The following BEST3 variants were observed in gnomAD, a reference collection of about 807,000 sequenced individuals.
BEST3 encodes the protein bestrophin 3, also known as bestrophin-3.
In BEST3, 50 loss-of-function variants were observed where a neutral mutation model predicts 47.1. The observed-to-expected ratio is 1.06, with a 90% CI of 0.85 to 1.34. The LOEUF (loss-of-function observed/expected upper bound fraction) is 1.34. Among genes scored for constraint, BEST3 ranks in the 40% most tolerant of loss-of-function variants. The pLI, the probability that BEST3 is intolerant of heterozygous loss-of-function variation, is 0.00. For missense variants in BEST3, 765 were observed against 817.0 expected (o/e 0.94, Z 0.78); for synonymous variants, 282 against 298.8 (o/e 0.94, Z 0.58).
intron 7 of BEST3, among the ~76,000 whole-genome samples, chr12:69,674,540 GC>G (rs1157049629): frequency 3.3e-5 from 5 of 152,124 alleles, no homozygotes; most frequent in Non-Finnish European, 5.9e-5. Flanking sequence ...GTTCCATGGG[GC>G]TATCTGCCCT....
chr12:69,693,566 A>G lies in BEST3; in HGVS notation c.481+108T>C, dbSNP rs181767814. 44 of 996,230 alleles carry G rather than the reference A, an allele frequency of 4.4e-5. 1 individual carries two copies. The Admixed American group carries it at 1.0e-3, about 24-fold the overall frequency. The allele number at this position is 996,230 out of a possible 1,614,324, so 61.7% of individuals were successfully genotyped here. ...AGGCATGAGCCACCGCGCCCAACCAATAAATGTTTCTTGAGTGAATAAACA... is the reference window on the plus strand; with the variant it reads ...AGGCATGAGCCACCGCGCCCAACCAGTAAATGTTTCTTGAGTGAATAAACA... On this transcript the variant is annotated intron_variant, in intron 4 of 9. Coordinates refer to ENST00000330891, the MANE Select transcript of BEST3 (RefSeq NM_032735.3).
At position 69,654,481 on chromosome 12, in the gene BEST3, T is replaced by A; in HGVS notation, c.*426A>T. 1 of 988,476 alleles carries A rather than the reference T, an allele frequency of 1.0e-6. No individual in the cohort carries two copies. Among genetic ancestry groups the A allele is most frequent in the Non-Finnish European group, 1.2e-6 (1 of 832,020 alleles). 61.2% of individuals were successfully genotyped at this position (988,476 alleles called of 1,614,324 possible). A position where few individuals can be genotyped will look rare whatever the true frequency, so the allele number is the denominator to read the frequency against. ...TTAGGTGATCCATCTCCTTTCTTTA[T>A]GGCTAAAGAAAAAAAGAAAGAGAAA... On this transcript the variant is annotated 3_prime_UTR_variant, in exon 10 of 10. Coordinates refer to ENST00000330891, the MANE Select transcript of BEST3 (RefSeq NM_032735.3).
chr12:69,667,935 GA>G (rs1884332381), intron 9 of BEST3, among the ~76,000 whole-genome samples: 1 of 152,158 alleles, frequency 6.6e-6, no homozygotes, highest in Non-Finnish European at 1.5e-5. Flanking sequence ...GCTTAAGATA[GA>G]AAGAAGGAAA....
intron 9 of BEST3, chr12:69,661,516 G>A (rs1883871236): frequency 6.6e-6 from 1 of 152,194 alleles, no homozygotes; most frequent in Non-Finnish European, 1.5e-5. Context: ...GTGTGGAGAA[G>A]CATTTTTTTC....
At chr12:69,674,200 T>G (rs1276971242) in intron 7 of BEST3, among the ~76,000 whole-genome samples, 1 of 152,142 alleles carries the variant, frequency 6.6e-6, no homozygotes, top group Admixed American at 6.6e-5. Flanking sequence ...GTCTAAACAT[T>G]CTAGATTCTG....
chr12:69,679,664 G>A (rs543241186), intron 4 of BEST3, among the ~76,000 whole-genome samples: 3 of 151,996 alleles, frequency 2.0e-5, no homozygotes, highest in Non-Finnish European at 2.9e-5. Context: ...AGTTCAACAC[G>A]AGCCTGGCCA....
intron 8 of BEST3, among the ~76,000 whole-genome samples, chr12:69,671,814 C>T (rs947682107): frequency 6.6e-6 from 1 of 152,144 alleles, no homozygotes; most frequent in Non-Finnish European, 1.5e-5. Flanking sequence ...GCCTCCCACA[C>T]TCCGGGATCA....
At chr12:69,692,970 C>T (rs1180499588) in intron 4 of BEST3, among the ~76,000 whole-genome samples, 3 of 152,140 alleles carry the variant, frequency 2.0e-5, no homozygotes, top group Non-Finnish European at 2.9e-5. Context: ...ACCATGTTGG[C>T]CAGGCTTGTC....
At chr12:69,668,787 A>G (rs1283004275) in intron 9 of BEST3, among the ~76,000 whole-genome samples, 1 of 152,242 alleles carries the variant, frequency 6.6e-6, no homozygotes, top group Admixed American at 6.5e-5. Context: ...TAATTAGCTC[A>G]GAAATGGATA....
chr12:69,670,661 A>T, intron 9 of BEST3: 1 of 653,068 alleles, frequency 1.5e-6, no homozygotes, highest in East Asian at 2.7e-5. Context: ...ACACAAACCC[A>T]CTGCACAAAT....
At position 69,699,256 on chromosome 12, in the gene BEST3, G is replaced by A; in HGVS notation, c.-67C>T. On this transcript the variant is annotated 5_prime_UTR_variant, in exon 1 of 10. Coordinates refer to ENST00000330891, the MANE Select transcript of BEST3 (RefSeq NM_032735.3). ...CAGGAAAGAGAATCTTCAAATTTCGGGCTCCCCCGAAGAGGTGCCTTCAGG... is the reference window on the plus strand; with the variant it reads ...CAGGAAAGAGAATCTTCAAATTTCGAGCTCCCCCGAAGAGGTGCCTTCAGG... 1 of 985,294 alleles carries A rather than the reference G, an allele frequency of 1.0e-6. No homozygotes were observed. The highest frequency in any genetic ancestry group is 1.2e-6 in the Non-Finnish European group (1 of 829,920). 61.0% of individuals were successfully genotyped at this position (985,294 alleles called of 1,614,324 possible).
At chr12:69,662,382 C>T (rs1161148847) in intron 9 of BEST3, among the ~76,000 whole-genome samples, 2 of 152,112 alleles carry the variant, frequency 1.3e-5, no homozygotes, top group Non-Finnish European at 2.9e-5. Flanking sequence ...AAAAGGATTA[C>T]TAAGTATCAT....
chr12:69,656,951 T>A (rs1027603923), intron 9 of BEST3, among the ~76,000 whole-genome samples: 2 of 152,142 alleles, frequency 1.3e-5, no homozygotes, highest in African/African-American at 4.8e-5. Context: ...TGGAACCTTG[T>A]GGAAAGGATA....
intron 9 of BEST3, among the ~76,000 whole-genome samples, chr12:69,657,189 A>G (rs984065699): frequency 1.5e-4 from 23 of 152,082 alleles, no homozygotes; most frequent in African/African-American, 5.5e-4. Flanking sequence ...TCTGTCTCCC[A>G]GGTTCAAGTG....
At chr12:69,677,317 T>C in intron 5 of BEST3, 60 bp from the exon 6 acceptor site, 2 of 1,407,662 alleles carry the variant, frequency 1.4e-6, no homozygotes, top group African/African-American at 1.4e-5. Flanking sequence ...AATAAGTACT[T>C]ACTGGGACTC....
At chr12:69,678,942 TA>T in intron 4 of BEST3, 49 bp from the exon 5 acceptor site, 1 of 1,430,736 alleles carries the variant, frequency 7.0e-7, no homozygotes, top group Non-Finnish European at 9.7e-7. Flanking sequence ...AGTTTGACAC[TA>T]ATACGTTACC....
intron 9 of BEST3, among the ~76,000 whole-genome samples, chr12:69,657,962 G>A (rs1011950589): frequency 4.6e-5 from 7 of 152,174 alleles, no homozygotes; most frequent in Non-Finnish European, 1.0e-4. Context: ...TCATGCTTCA[G>A]TGGCCTTGGT....
intron 4 of BEST3, among the ~76,000 whole-genome samples, chr12:69,679,935 G>A (rs1030959097): frequency 5.7e-4 from 87 of 151,714 alleles, no homozygotes; most frequent in African/African-American, 2.0e-3. Flanking sequence ...GTGTGTGTGT[G>A]TGTAAAATGC....
chr12:69,656,617 A>G (rs1221236082), intron 9 of BEST3, among the ~76,000 whole-genome samples: 1 of 152,118 alleles, frequency 6.6e-6, no homozygotes, highest in African/African-American at 2.4e-5. Context: ...TGGTATTAGT[A>G]TTATATCATT....
Sources: gnomAD v4.1 joint callset for allele counts (sites outside exome capture counted in the v4.1 genomes callset) on GRCh38, gnomAD v4.1.1 for gene constraint, MANE v1.5 for transcripts, NCBI Gene and HGNC (gene_info 2026-07-23, HGNC 2026-07-21) for gene names.